Variants in TRPM2 observed in about 807,000 individuals in gnomAD.
TRPM2 encodes transient receptor potential cation channel subfamily M member 2.
TRPM2 carries 161 observed loss-of-function variants against 174.0 expected under a neutral mutation model. That is an observed-to-expected ratio of 0.93 (90% CI 0.81 to 1.05). The LOEUF (loss-of-function observed/expected upper bound fraction) is 1.05. TRPM2 is among the 50% of genes least tolerant of loss of function. The pLI, the probability that TRPM2 is intolerant of heterozygous loss-of-function variation, is 0.00. For missense variants in TRPM2, 2,057 were observed against 2,038.0 expected, an observed-to-expected ratio of 1.01 and a Z score of -0.18; for synonymous variants, 954 against 861.3, an observed-to-expected ratio of 1.11 and a Z score of -1.88.
rs754713537 is a variant in TRPM2 at position 44,399,268 on chromosome 21, C to A, written c.2063-28C>A. 1 of 1,600,982 alleles carries A rather than the reference C, an allele frequency of 6.2e-7. No individual in the cohort carries two copies. Among genetic ancestry groups the A allele is most frequent in the South Asian group, 1.1e-5 (1 of 89,680 alleles). On this transcript the variant is annotated intron_variant, in intron 13 of 31. Coordinates refer to ENST00000397928, the MANE Select transcript of TRPM2 (RefSeq NM_003307.4). This position sits in a 1 kb window ranked among gnomAD's most constrained non-coding sequence, Gnocchi z 4.6. ...GGCTCAGTGATTGTGACCTGCTGCT[C>A]TGACGGGGCTCTCATATCTCCGCCC...
At chr21:44,416,721 G>A (rs2050293370) in intron 20 of TRPM2, 1 of 202,446 alleles carries the variant, frequency 4.9e-6, no homozygotes, top group Non-Finnish European at 1.0e-5. Flanking sequence ...GGCCTCCCGT[G>A]TGGCGTGGCT....
intron 2 of TRPM2, among the ~76,000 whole-genome samples, chr21:44,358,558 AT>A (rs2048121383): frequency 6.6e-6 from 1 of 152,202 alleles, no homozygotes; most frequent in African/African-American, 2.4e-5. Context: ...CCAGCATCAC[AT>A]CAGGCTTGCA....
chr21:44,357,966 C>T (rs1224594692), intron 2 of TRPM2, among the ~76,000 whole-genome samples: 1 of 152,240 alleles, frequency 6.6e-6, no homozygotes, highest in African/African-American at 2.4e-5. Context: ...TGGAATGTCC[C>T]TCCTTCTTGT....
rs1198171710 is a variant in TRPM2 at position 44,353,879 on chromosome 21, T to C, written c.165+14T>C. On this transcript the variant is annotated intron_variant, in intron 1 of 31. Coordinates refer to ENST00000397928, the MANE Select transcript of TRPM2 (RefSeq NM_003307.4). ...AACAATGACAAGGTAGGCTTTCTGCTGGTCAGCCTGCAGTTGGCACGTGGC... is the reference window on the plus strand; with the variant it reads ...AACAATGACAAGGTAGGCTTTCTGCCGGTCAGCCTGCAGTTGGCACGTGGC... 1 of 1,595,398 alleles carries C rather than the reference T, an allele frequency of 6.3e-7. No homozygotes were observed. Among genetic ancestry groups the C allele is most frequent in the South Asian group, 1.1e-5 (1 of 88,334 alleles).
intron 18 of TRPM2, 69 bp from the exon 19 acceptor site, chr21:44,406,525 G>C (rs1462657300): frequency 6.6e-7 from 1 of 1,521,044 alleles, no homozygotes; most frequent in East Asian, 2.3e-5. Context: ...ACCGCTGCTG[G>C]GCCTGCCTCT....
At position 44,382,760 on chromosome 21, in the gene TRPM2, C is replaced by T. The variant is rs267606156; in HGVS notation, c.1258C>T (p.Arg420Trp). The change falls in exon 9 of 32, where the codon CGG becomes TGG. Residue 420 changes from arginine (R) to tryptophan (W), a missense_variant. Arg to Trp is a moderately radical substitution (Grantham distance 101). Transcript: ENST00000397928. ...VRRRQLLTVF[R>W]EGKDGQQDVD... is the part of the protein sequence containing the mutation. ...GAGGCGGCAGCTGCTGACTGTCTTCCGGGAAGGCAAGGATGGTCAGCAGGA... is the reference window on the plus strand; with the variant it reads ...GAGGCGGCAGCTGCTGACTGTCTTCTGGGAAGGCAAGGATGGTCAGCAGGA... The T allele has an allele frequency of 6.5e-5, 105 of 1,614,024 alleles. No homozygotes were observed. The highest frequency in any genetic ancestry group is 1.5e-4 in the Admixed American group (9 of 59,998).
At position 44,353,677 on chromosome 21, in the gene TRPM2, T is replaced by G; in HGVS notation, c.-24T>G. The G allele has an allele frequency of 2.0e-6, 3 of 1,465,304 alleles. No homozygotes were observed. The highest frequency in any genetic ancestry group is 2.7e-6 in the Non-Finnish European group (3 of 1,110,368). 90.8% of individuals were successfully genotyped at this position (1,465,304 alleles called of 1,614,324 possible). The stretch of plus-strand genomic sequence containing the variant: ...CTGTCCTGAGGGCAGCAGGCCTGGT[T>G]GCAGCTGGCGTGGGGGTCTCAGAAT... On this transcript the variant is annotated 5_prime_UTR_variant, in exon 1 of 32. Transcript: ENST00000397928.
chr21:44,353,711 C>CA lies in TRPM2; in HGVS notation c.12dup (p.Ala5SerfsTer14). ...CGTGGGGGTCTCAGAATGGAGCCCT[C>CA]AGCCCTGAGGAAAGCTGGCTCGGAG... is the stretch of plus-strand genomic sequence containing the variant. On this transcript the variant is annotated frameshift_variant, in exon 1 of 32. Coordinates refer to ENST00000397928, the MANE Select transcript of TRPM2 (RefSeq NM_003307.4). LOFTEE classifies it high-confidence loss of function. 6.5e-7 allele frequency: 1 copy of CA among 1,537,562 alleles called. No individual in the cohort carries two copies. The highest frequency in any genetic ancestry group is 8.7e-7 in the Non-Finnish European group (1 of 1,145,906).
chr21:44,396,530 G>A (rs1375391549), intron 12 of TRPM2, among the ~76,000 whole-genome samples: 4 of 27,136 alleles, frequency 1.5e-4, no homozygotes, highest in Non-Finnish European at 2.8e-4. Context: ...CTGTGGAGGG[G>A]TGTGGAGGCT....
chr21:44,418,538 C>T lies in TRPM2; in HGVS notation c.3444C>T (p.Ile1148=), dbSNP rs147170816. ...FQQKQRPEQK[I]EDISNKVDAM... ...AAAAGCAGCGGCCCGAGCAGAAGATCGAGGACATCAGCAATAAGTATGGGG... is the reference window on the plus strand; with the variant it reads ...AAAAGCAGCGGCCCGAGCAGAAGATTGAGGACATCAGCAATAAGTATGGGG... The change falls in exon 22 of 32, where the codon ATC becomes ATT. Residue 1148 remains isoleucine (I), a synonymous_variant. Transcript: ENST00000397928. 3.5e-4 allele frequency: 560 copies of T among 1,614,052 alleles called. 7 individuals carry two copies. In the East Asian group the frequency reaches 6.3e-3, roughly 18 times the overall value.
chr21:44,381,292 G>A (rs1602175520), intron 8 of TRPM2, among the ~76,000 whole-genome samples: 1 of 152,002 alleles, frequency 6.6e-6, no homozygotes, highest in South Asian at 2.1e-4. Context: ...ATGGGAAGAT[G>A]CGTTTGTGGA....
intron 16 of TRPM2, 100 bp downstream of exon 16, chr21:44,401,997 G>C (rs1158671024): frequency 3.7e-6 from 5 of 1,354,928 alleles, no homozygotes; most frequent in Non-Finnish European, 5.2e-6. Flanking sequence ...CATCTAGCCT[G>C]CCCAGCTCCC....
intron 19 of TRPM2, among the ~76,000 whole-genome samples, chr21:44,410,474 C>T (rs2050069228): frequency 1.5e-5 from 1 of 68,252 alleles, no homozygotes; most frequent in African/African-American, 4.1e-5. Context: ...GTGAGCGTAG[C>T]CTTGTAGTAA....
rs541167505 is a variant in TRPM2, at chr21:44,409,634, G to A, written c.2962+2869G>A. Among the ~76,000 whole-genome samples the A allele has an allele frequency of 1.2e-3, 183 of 146,596 alleles. 9 individuals carry two copies. Among genetic ancestry groups the A allele is most frequent in the Non-Finnish European group, 2.1e-3 (143 of 66,894 alleles). On this transcript the variant is annotated intron_variant, in intron 19 of 31. Transcript: ENST00000397928. The stretch of plus-strand genomic sequence containing the variant: ...TAGTGAGTTTTGACTGCACTGTCTT[G>A]GCGTAGCCTTGTAGTAAGTTTTGAC...
At chr21:44,424,046 C>G (rs531419224) in intron 23 of TRPM2, among the ~76,000 whole-genome samples, 1 of 152,308 alleles carries the variant, frequency 6.6e-6, no homozygotes, top group East Asian at 1.9e-4. Context: ...GACTCTGTGC[C>G]TGAGCCCTGG....
chr21:44,414,219 T>G (rs565649438), intron 20 of TRPM2, 145 bp downstream of exon 20: 515 of 1,085,030 alleles, frequency 4.7e-4, no homozygotes, highest in Admixed American at 9.6e-4. Flanking sequence ...CCTGGTGGAG[T>G]GTGCACAGCC....
chr21:44,390,615 G>A (rs1001767554), intron 9 of TRPM2, among the ~76,000 whole-genome samples: 1 of 152,138 alleles, frequency 6.6e-6, no homozygotes, highest in Non-Finnish European at 1.5e-5. Context: ...CTTGCTTACT[G>A]CCCACCTGTC....
In TRPM2 at chr21:44,353,665, A is replaced by G; in HGVS notation, c.-36A>G. ...CTGGAGAGAGGACTGTCCTGAGGGC[A>G]GCAGGCCTGGTTGCAGCTGGCGTGG... On this transcript the variant is annotated 5_prime_UTR_variant, in exon 1 of 32. Transcript: ENST00000397928. 1 of 1,451,874 alleles carries G rather than the reference A, an allele frequency of 6.9e-7. No homozygotes were observed. Among genetic ancestry groups the G allele is most frequent in the South Asian group, 1.5e-5 (1 of 68,646 alleles). 89.9% of individuals were successfully genotyped at this position (1,451,874 alleles called of 1,614,324 possible). A position where few individuals can be genotyped will look rare whatever the true frequency, so the allele number is the denominator to read the frequency against.
chr21:44,375,212 G>A (rs770067222), intron 5 of TRPM2, among the ~76,000 whole-genome samples: 19 of 152,156 alleles, frequency 1.2e-4, no homozygotes, highest in East Asian at 3.8e-4. Context: ...GCCCGTCTCC[G>A]CAAGGCCTTT....
Sources: gnomAD v4.1 joint callset for allele counts (sites outside exome capture counted in the v4.1 genomes callset) on GRCh38, gnomAD v4.1.1 for gene constraint, Gnocchi (gnomAD v3.1) non-coding constraint, MANE v1.5 for transcripts, NCBI Gene and HGNC (gene_info 2026-07-23, HGNC 2026-07-21) for gene names.